LOC400499: variants seen among roughly 807,000 people sequenced by gnomAD.
At chr16:11,433,510 C>T in the LOC400499 span, among the ~76,000 whole-genome samples, 1 of 152,150 alleles carries the variant, frequency 6.6e-6, no homozygotes, top group Non-Finnish European at 1.5e-5. Context: ...TGGTCTCTGT[C>T]CCTAATCCTT....
chr16:11,481,227 G>A, the LOC400499 span, among the ~76,000 whole-genome samples: 349 of 152,328 alleles, frequency 2.3e-3, 1 homozygote, highest in African/African-American at 8.0e-3. Context: ...ACTCTTTCAC[G>A]GGTGCAGTGT....
At chr16:11,390,424 G>A in the LOC400499 span, 2 of 1,252,394 alleles carry the variant, frequency 1.6e-6, no homozygotes, top group Non-Finnish European at 2.0e-6. Context: ...GGGCCGCAGT[G>A]TCACCTCCAG....
At chr16:11,502,058 A>C in the LOC400499 span, 1 of 398,930 alleles carries the variant, frequency 2.5e-6, no homozygotes, top group Non-Finnish European at 4.4e-6. Context: ...TCCATCCCCC[A>C]CCCGGAGAGG....
the LOC400499 span, among the ~76,000 whole-genome samples, chr16:11,415,297 C>T: frequency 4.6e-5 from 7 of 152,180 alleles, no homozygotes; most frequent in African/African-American, 1.4e-4. Context: ...AAACAGATGG[C>T]GCCGATTCTG....
At chr16:11,447,315 T>C in the LOC400499 span, among the ~76,000 whole-genome samples, 2 of 152,112 alleles carry the variant, frequency 1.3e-5, no homozygotes, top group African/African-American at 4.8e-5. Flanking sequence ...AAAATAATAC[T>C]GATTGGACAC....
the LOC400499 span, chr16:11,404,957 G>A: frequency 2.3e-5 from 9 of 398,076 alleles, no homozygotes; most frequent in Admixed American, 1.3e-4. Flanking sequence ...AGGAAAAAGG[G>A]AATATTTGTG....
the LOC400499 span, among the ~76,000 whole-genome samples, chr16:11,379,914 C>A: frequency 6.6e-6 from 1 of 152,140 alleles, no homozygotes; most frequent in Non-Finnish European, 1.5e-5. Context: ...ACAAATACCC[C>A]ACTCTTTGAC....
chr16:11,456,926 C>A, the LOC400499 span: 3 of 1,536,296 alleles, frequency 2.0e-6, no homozygotes, highest in Non-Finnish European at 2.6e-6. Context: ...ACAGCGGCCG[C>A]CCATTGTACT....
the LOC400499 span, chr16:11,384,995 G>C: frequency 8.1e-7 from 1 of 1,232,256 alleles, no homozygotes. Flanking sequence ...GTCCTTCCTT[G>C]TCGTGGCAGG....
chr16:11,474,184 T>G, the LOC400499 span, among the ~76,000 whole-genome samples: 1 of 152,214 alleles, frequency 6.6e-6, no homozygotes, highest in East Asian at 1.9e-4. Context: ...TGCTTTGCGG[T>G]CACACAGTCT....
At chr16:11,373,966 T>C in the LOC400499 span, among the ~76,000 whole-genome samples, 1 of 152,180 alleles carries the variant, frequency 6.6e-6, no homozygotes, top group Non-Finnish European at 1.5e-5. Flanking sequence ...GTGTTGAAAA[T>C]ATGGGGTTTA....
chr16:11,411,467 T>C, the LOC400499 span: 3 of 396,996 alleles, frequency 7.6e-6, no homozygotes, highest in South Asian at 2.8e-4. Flanking sequence ...AGTTCAGGGC[T>C]ATTCACACAC....
the LOC400499 span, among the ~76,000 whole-genome samples, chr16:11,426,372 G>A: frequency 4.6e-5 from 7 of 152,072 alleles, no homozygotes; most frequent in Admixed American, 6.6e-5. Context: ...GGAGGTGGAG[G>A]TTGCAGGTTG....
At chr16:11,386,493 G>C in the LOC400499 span, among the ~76,000 whole-genome samples, 3 of 152,232 alleles carry the variant, frequency 2.0e-5, no homozygotes, top group Non-Finnish European at 2.9e-5. Flanking sequence ...CCCTGGGCCT[G>C]GGTGTGAGTC....
the LOC400499 span, among the ~76,000 whole-genome samples, chr16:11,393,028 C>G: frequency 0.81 from 122,576 of 151,942 alleles, 50,517 homozygotes; most frequent in Admixed American, 0.89. Context: ...CTACTTTTTT[C>G]TATTTTTAGT....
the LOC400499 span, among the ~76,000 whole-genome samples, chr16:11,403,925 G>C: frequency 1.1e-4 from 16 of 152,308 alleles, no homozygotes; most frequent in African/African-American, 3.8e-4. Context: ...CTCTCTATGA[G>C]CTGAGACGCT....
At chr16:11,519,263 A>G in the LOC400499 span, among the ~76,000 whole-genome samples, 3,124 of 152,316 alleles carry the variant, frequency 0.021, 105 homozygotes, top group African/African-American at 0.071. Context: ...ATATAGCACC[A>G]ACAAGAATAT....
chr16:11,427,786 G>T, the LOC400499 span, among the ~76,000 whole-genome samples: 1 of 152,090 alleles, frequency 6.6e-6, no homozygotes. Context: ...TTATATCAGA[G>T]GAACGAAGAA....
chr16:11,515,884 C>CCCCCCCCCCCCCCCCCCCCCA, the LOC400499 span: 19 of 40,198 alleles, frequency 4.7e-4, no homozygotes, highest in East Asian at 7.9e-4. Flanking sequence ...CAGCCCAGCC[C>CCCCCCCCCCCCCCCCCCCCCA]AGCCCAGCCT....
Sources: allele counts gnomAD v4.1 joint callset (sites outside exome capture counted in the v4.1 genomes callset), GRCh38; gene constraint gnomAD v4.1.1; transcripts MANE v1.5.